Variants in ZNF385D observed in about 807,000 individuals in gnomAD.
ZNF385D encodes zinc finger protein 659.
ZNF385D carries 15 observed loss-of-function variants against 35.8 expected under a neutral mutation model. The ratio of observed to expected loss-of-function variants is 0.42; its 90% CI spans 0.28 to 0.64. ZNF385D has a LOEUF of 0.64. Among genes scored for constraint, ZNF385D ranks in the 30% least tolerant of loss-of-function variants. The probability of loss-of-function intolerance (pLI) is 0.23; values close to 1 mark genes in which losing one functional copy is unlikely to be tolerated. For missense variants in ZNF385D, 474 were observed against 494.6 expected (o/e 0.96, Z 0.39); for synonymous variants, 212 against 186.8 (o/e 1.13, Z -1.10).
intron 3 of ZNF385D, among the ~76,000 whole-genome samples, chr3:21,915,391 T>C (rs1700145482): frequency 6.6e-6 from 1 of 152,190 alleles, no homozygotes; most frequent in Non-Finnish European, 1.5e-5. Context: ...ATTGTAAGCA[T>C]GAACCATTTA....
intron 1 of ZNF385D, among the ~76,000 whole-genome samples, chr3:21,727,776 A>G (rs1429330646): frequency 1.3e-5 from 2 of 152,210 alleles, no homozygotes; most frequent in Non-Finnish European, 2.9e-5. Flanking sequence ...AGGATCTAGA[A>G]CCAGAAATAC....
intron 3 of ZNF385D, among the ~76,000 whole-genome samples, chr3:21,889,135 G>A (rs540122484): frequency 1.5e-4 from 23 of 152,308 alleles, no homozygotes; most frequent in African/African-American, 5.5e-4. Flanking sequence ...CACTGAAATA[G>A]ACAACAGAGA....
intron 2 of ZNF385D, among the ~76,000 whole-genome samples, chr3:21,628,753 C>T (rs369337193): frequency 8.0e-4 from 121 of 152,162 alleles, no homozygotes; most frequent in African/African-American, 2.8e-3. Flanking sequence ...TTGTGATAAG[C>T]ACTCCTGGTG....
At chr3:21,861,658 G>C (rs1697060399) in intron 3 of ZNF385D, among the ~76,000 whole-genome samples, 1 of 152,142 alleles carries the variant, frequency 6.6e-6, no homozygotes, top group African/African-American at 2.4e-5. Context: ...GGTGGATGTG[G>C]TCTTAATAGT....
chr3:22,327,933 A>C (rs1694753803), intron 2 of ZNF385D, among the ~76,000 whole-genome samples: 1 of 152,238 alleles, frequency 6.6e-6, no homozygotes, highest in Non-Finnish European at 1.5e-5. Context: ...ATATGAAAAC[A>C]TCTATCATCT....
chr3:21,516,366 C>G (rs1335945469), intron 3 of ZNF385D, among the ~76,000 whole-genome samples: 3 of 152,074 alleles, frequency 2.0e-5, no homozygotes, highest in African/African-American at 7.2e-5. Flanking sequence ...GTATAAAGAC[C>G]ATTTTGAGCT....
intron 2 of ZNF385D, among the ~76,000 whole-genome samples, chr3:22,234,916 G>C (rs1035211210): frequency 3.3e-5 from 5 of 151,928 alleles, no homozygotes; most frequent in African/African-American, 4.8e-5. Flanking sequence ...CTTAGAGCTT[G>C]ATATTTAGCC....
At chr3:22,215,745 A>C (rs13097134) in intron 2 of ZNF385D, among the ~76,000 whole-genome samples, 54,305 of 151,494 alleles carry the variant, frequency 0.36, 10,110 homozygotes, top group African/African-American at 0.45. Context: ...TGTGACCCAC[A>C]CCCTATTTGT....
intron 3 of ZNF385D, among the ~76,000 whole-genome samples, chr3:22,045,170 A>AT (rs1349261212): frequency 6.6e-6 from 1 of 152,110 alleles, no homozygotes; most frequent in Non-Finnish European, 1.5e-5. Flanking sequence ...TTAAAAAAAA[A>AT]ATAATTGCCC....
intron 3 of ZNF385D, among the ~76,000 whole-genome samples, chr3:21,842,591 G>A (rs113741428): frequency 1.3e-5 from 2 of 151,956 alleles, no homozygotes; most frequent in Non-Finnish European, 2.9e-5. Flanking sequence ...TCTTTGGGAT[G>A]GTTGTTTACA....
upstream of ZNF385D, chr3:21,751,380 AAG>A: frequency 2.0e-6 from 2 of 1,022,932 alleles, no homozygotes; most frequent in South Asian, 3.8e-5. Flanking sequence ...GGCTCTCTTA[AAG>A]CGAGAAGAGT....
At chr3:21,916,609 G>A (rs187948171) in intron 3 of ZNF385D, among the ~76,000 whole-genome samples, 35 of 152,236 alleles carry the variant, frequency 2.3e-4, no homozygotes, top group Admixed American at 1.6e-3. Context: ...GCCTATAAGC[G>A]AAGTGCTTTG....
intron 2 of ZNF385D, among the ~76,000 whole-genome samples, chr3:22,201,831 T>C (rs1443338369): frequency 1.3e-5 from 2 of 151,616 alleles, no homozygotes; most frequent in Non-Finnish European, 2.9e-5. Context: ...ATAAATTTAA[T>C]ACTTTTGACA....
chr3:21,886,061 G>A (rs1698532035), intron 3 of ZNF385D, among the ~76,000 whole-genome samples: 1 of 152,058 alleles, frequency 6.6e-6, no homozygotes, highest in Admixed American at 6.6e-5. Flanking sequence ...CCAAATATCT[G>A]GGCATGATGG....
chr3:21,679,011 C>T (rs185635962), intron 1 of ZNF385D, among the ~76,000 whole-genome samples: 1 of 151,876 alleles, frequency 6.6e-6, no homozygotes, highest in Non-Finnish European at 1.5e-5. Flanking sequence ...CACCCACCCC[C>T]CAACCCCATC....
intron 3 of ZNF385D, among the ~76,000 whole-genome samples, chr3:21,802,621 G>T (rs1370062667): frequency 6.6e-6 from 1 of 152,066 alleles, no homozygotes; most frequent in Non-Finnish European, 1.5e-5. Context: ...CTTCAGACAG[G>T]CCAACTGTAT....
intron 4 of ZNF385D, among the ~76,000 whole-genome samples, chr3:21,459,605 C>T (rs1703041591): frequency 6.6e-6 from 1 of 152,156 alleles, no homozygotes; most frequent in Non-Finnish European, 1.5e-5. Flanking sequence ...TCAGGACATG[C>T]TCTACCCTCA....
chr3:21,888,145 C>T (rs767782218), intron 3 of ZNF385D, among the ~76,000 whole-genome samples: 7 of 151,930 alleles, frequency 4.6e-5, no homozygotes, highest in South Asian at 2.1e-4. Flanking sequence ...TCCTCAATTG[C>T]TTGGTTGCAA....
intron 2 of ZNF385D, among the ~76,000 whole-genome samples, chr3:22,180,945 C>CTTTTTT (rs1553624088): frequency 3.0e-5 from 3 of 99,038 alleles, no homozygotes; most frequent in African/African-American, 1.6e-4. Flanking sequence ...GACAGCTTTG[C>CTTTTTT]TTTCTCCTTC....
Sources: allele counts gnomAD v4.1 joint callset (sites outside exome capture counted in the v4.1 genomes callset), GRCh38; gene constraint gnomAD v4.1.1; transcripts MANE v1.5; gene names NCBI Gene and HGNC (gene_info 2026-07-23, HGNC 2026-07-21).